BTD: variants seen among roughly 807,000 people sequenced by gnomAD.
The protein encoded by BTD is biocytinase.
A neutral mutation model predicts 17.7 loss-of-function variants in BTD; 13 were observed. The observed-to-expected ratio is 0.74, with a 90% CI of 0.48 to 1.17. The LOEUF (loss-of-function observed/expected upper bound fraction) is 1.17, where lower values mean the gene tolerates loss of function less well. BTD is among the 50% of genes most tolerant of loss of function. BTD has a pLI of 0.00. For synonymous variants in BTD, 240 were observed against 245.2 expected (o/e 0.98, Z 0.20); for missense variants, 674 against 650.4 (o/e 1.04, Z -0.39).
upstream of BTD, chr3:15,601,389 T>A (rs769957337): frequency 6.2e-7 from 1 of 1,614,166 alleles, no homozygotes; most frequent in South Asian, 1.1e-5. Context: ...GTACTTGCGT[T>A]TTCAGGGCCT....
In BTD at chr3:15,648,579, G is replaced by C. The variant is rs1202943456; in HGVS notation, c.*3091G>C. Among the ~76,000 whole-genome samples the C allele has an allele frequency of 6.6e-6, 1 of 152,228 alleles. No individual in the cohort carries two copies. The highest frequency in any genetic ancestry group is 1.5e-5 in the Non-Finnish European group (1 of 68,044). On this transcript the variant is annotated 3_prime_UTR_variant, in exon 4 of 4. Transcript: ENST00000643237. Reference sequence around the variant, plus strand: ...TCATGAGGCTACAGTCAAGATGTCAGCCGAGGTGACAGTGAAGATATCAAC... The same window carrying C: ...TCATGAGGCTACAGTCAAGATGTCACCCGAGGTGACAGTGAAGATATCAAC...
downstream of BTD, chr3:15,714,472 CA>C: frequency 1.3e-6 from 1 of 776,582 alleles, no homozygotes; most frequent in Non-Finnish European, 1.9e-6. Context: ...TAAAAATACA[CA>C]AAATGCGATG....
chr3:15,701,954 AAT>A (rs2070693862), intron 3 of BTD, among the ~76,000 whole-genome samples: 1 of 151,400 alleles, frequency 6.6e-6, no homozygotes, highest in Non-Finnish European at 1.5e-5. Flanking sequence ...AAAAATCTTT[AAT>A]CAAGTTCTCT....
At position 15,653,587 on chromosome 3, in the gene BTD, G is replaced by A. The variant is rs2065838803; in HGVS notation, c.*8099G>A. ...TTATTTTTGTTTTGTTTGACTAAAG[G>A]CAATTATATTTACATTTTCTCTAAG... On this transcript the variant is annotated 3_prime_UTR_variant, in exon 4 of 4. Transcript: ENST00000643237. Among the ~76,000 whole-genome samples the A allele has an allele frequency of 6.6e-6, 1 of 152,156 alleles. No homozygotes were observed. Among genetic ancestry groups the A allele is most frequent in the African/African-American group, 2.4e-5 (1 of 41,438 alleles).
In BTD at chr3:15,620,275, C is replaced by T. The variant is rs1321509873; in HGVS notation, c.-16-15149C>T. Among the ~76,000 whole-genome samples the T allele has an allele frequency of 3.3e-5, 5 of 152,202 alleles. No homozygotes were observed. In the East Asian group the frequency reaches 9.6e-4, roughly 29 times the overall value. On this transcript the variant is annotated intron_variant, in intron 1 of 3. Coordinates refer to ENST00000643237, the MANE Select transcript of BTD (RefSeq NM_001370658.1). ...AGACTAGGACTTATCTCAATCCTTA[C>T]CTCAACTGCACAAGACAGACATTCC...
intron 2 of BTD, among the ~76,000 whole-genome samples, chr3:15,636,442 C>G (rs1412269577): frequency 6.6e-6 from 1 of 152,192 alleles, no homozygotes; most frequent in East Asian, 1.9e-4. Context: ...AGAGGCCCCC[C>G]TGGGGGCAAA....
intron 3 of BTD, among the ~76,000 whole-genome samples, chr3:15,680,958 C>G (rs935922965): frequency 6.6e-6 from 1 of 152,142 alleles, no homozygotes; most frequent in Non-Finnish European, 1.5e-5. Context: ...TAAGCCACCA[C>G]GGCCAACATT....
chr3:15,710,337 A>C (rs1018501669), exon 4 of BTD, among the ~76,000 whole-genome samples: 1 of 152,230 alleles, frequency 6.6e-6, no homozygotes, highest in Non-Finnish European at 1.5e-5. Context: ...TTACTATGTT[A>C]CAATGAAAAC....
At chr3:15,719,707 T>C (rs976433231) in intron 4 of BTD, among the ~76,000 whole-genome samples, 1 of 151,962 alleles carries the variant, frequency 6.6e-6, no homozygotes, top group Non-Finnish European at 1.5e-5. Context: ...TACCTAGGAC[T>C]ACAGGATAAT....
intron 4 of BTD, among the ~76,000 whole-genome samples, chr3:15,718,225 G>A (rs1368885872): frequency 6.6e-6 from 1 of 152,136 alleles, no homozygotes; most frequent in Non-Finnish European, 1.5e-5. Context: ...AACAAAATTT[G>A]ACAATAAAAT....
chr3:15,644,742 G>C lies in BTD; in HGVS notation c.826G>C (p.Val276Leu). ...TTTTGCTGTTGCCTTTGGCATCAAC[G>C]TTCTGGCAGCTAATGTCCACCACCC... ...KAFAVAFGIN[V>L]LAANVHHPVL... Residue 276 changes from valine to leucine, a missense_variant, in exon 4 of 4, where the codon GTT becomes CTT. By Grantham distance (32) the Val-to-Leu change is conservative (BLOSUM62 1). Coordinates refer to ENST00000643237, the MANE Select transcript of BTD (RefSeq NM_001370658.1). 6.2e-7 allele frequency: 1 copy of C among 1,614,180 alleles called. No homozygotes were observed. Among genetic ancestry groups the C allele is most frequent in the Non-Finnish European group, 8.5e-7 (1 of 1,180,040 alleles).
chr3:15,678,841 T>C (rs1238678798), intron 3 of BTD, among the ~76,000 whole-genome samples: 1 of 152,244 alleles, frequency 6.6e-6, no homozygotes, highest in East Asian at 1.9e-4. Flanking sequence ...AAACCTTTTA[T>C]AATGTAAAAA....
chr3:15,709,258 C>G (rs1478591739), intron 3 of BTD, among the ~76,000 whole-genome samples: 1 of 152,070 alleles, frequency 6.6e-6, no homozygotes, highest in Non-Finnish European at 1.5e-5. Flanking sequence ...TACTACTGCT[C>G]TGGAACAAGA....
chr3:15,698,465 T>C (rs1022049295), intron 3 of BTD, among the ~76,000 whole-genome samples: 1 of 152,226 alleles, frequency 6.6e-6, no homozygotes, highest in African/African-American at 2.4e-5. Context: ...TGTTTGCAGA[T>C]GACATGAATG....
rs1461119411 is a variant in BTD, at chr3:15,652,537, A to G, written c.*7049A>G. ...CTTCCAGATGACCACTGCCCTGGGA[A>G]ACGACTGCAACCTCATGAGAGACCC... is the stretch of plus-strand genomic sequence containing the variant. On this transcript the variant is annotated 3_prime_UTR_variant, in exon 4 of 4. Transcript: ENST00000643237. Among the ~76,000 whole-genome samples, 3 of 152,190 alleles carry G rather than the reference A, an allele frequency of 2.0e-5. No individual in the cohort carries two copies. The highest frequency in any genetic ancestry group is 7.2e-5 in the African/African-American group (3 of 41,438).
chr3:15,722,025 G>GT (rs749502186), exon 5 of BTD, among the ~76,000 whole-genome samples: 2 of 152,264 alleles, frequency 1.3e-5, no homozygotes, highest in African/African-American at 4.8e-5. Flanking sequence ...GATTACAGGC[G>GT]TGAGACCCTG....
At chr3:15,714,678 TA>T, downstream of BTD, 1 of 1,527,912 alleles carries the variant, frequency 6.5e-7, no homozygotes, top group South Asian at 1.2e-5. Flanking sequence ...AGAAAAAAAT[TA>T]CTCACTCTAC....
chr3:15,624,948 G>C (rs2065032729), intron 1 of BTD, among the ~76,000 whole-genome samples: 2 of 152,170 alleles, frequency 1.3e-5, no homozygotes, highest in African/African-American at 4.8e-5. Context: ...GGCCAGGCTG[G>C]TCTTGAACTC....
rs990375154 is a variant in BTD at position 15,601,771 on chromosome 3, G to T, written c.-140G>T. 1.1e-5 allele frequency: 17 copies of T among 1,609,740 alleles called. 2 individuals carry two copies. ...GGAGATTGCTGCCTATGCAAAGCAG[G>T]TAAGAAGCCGAACTCTGAGGCCTCT... is the stretch of plus-strand genomic sequence containing the variant. On this transcript the variant is annotated 5_prime_UTR_variant, in exon 1 of 4. Coordinates refer to ENST00000643237, the MANE Select transcript of BTD (RefSeq NM_001370658.1).
Sources: allele counts gnomAD v4.1 joint callset (sites outside exome capture counted in the v4.1 genomes callset), GRCh38; gene constraint gnomAD v4.1.1; transcripts MANE v1.5; gene names NCBI Gene and HGNC (gene_info 2026-07-23, HGNC 2026-07-21).